Variants in LOC122539214 observed in about 807,000 individuals in gnomAD.
the LOC122539214 span, among the ~76,000 whole-genome samples, chr19:52,656,126 T>C: frequency 1.3e-5 from 2 of 152,068 alleles, no homozygotes; most frequent in East Asian, 1.9e-4. Context: ...GGTAGGAGTA[T>C]AGCTTGAGCT....
the LOC122539214 span, among the ~76,000 whole-genome samples, chr19:52,684,090 C>T: frequency 1.3e-5 from 2 of 152,092 alleles, no homozygotes; most frequent in African/African-American, 4.8e-5. Flanking sequence ...AAAAATTGAG[C>T]TGGGTGCAGG....
At chr19:52,682,164 A>G in the LOC122539214 span, among the ~76,000 whole-genome samples, 2 of 152,054 alleles carry the variant, frequency 1.3e-5, no homozygotes, top group South Asian at 4.2e-4. Context: ...CTATTAACTC[A>G]TTATTGTGAT....
the LOC122539214 span, chr19:52,655,510 C>G: frequency 7.1e-7 from 1 of 1,418,132 alleles, no homozygotes; most frequent in Non-Finnish European, 9.8e-7. Context: ...CCAGGAAGAG[C>G]CAAGATAGAC....
At chr19:52,679,197 T>C in the LOC122539214 span, among the ~76,000 whole-genome samples, 1 of 152,188 alleles carries the variant, frequency 6.6e-6, no homozygotes, top group South Asian at 2.1e-4. Flanking sequence ...TGAGCCCAAA[T>C]GACATCCTCA....
chr19:52,687,436 ATAGC>A, the LOC122539214 span, among the ~76,000 whole-genome samples: 1 of 20,028 alleles, frequency 5.0e-5, no homozygotes, highest in Non-Finnish European at 1.1e-4. Context: ...TATAATTTAT[ATAGC>A]TATATAAATT....
At chr19:52,681,334 T>C in the LOC122539214 span, among the ~76,000 whole-genome samples, 7,364 of 147,024 alleles carry the variant, frequency 0.05, 627 homozygotes, top group African/African-American at 0.18. Flanking sequence ...CTACAGATAG[T>C]ATGTTCAACA....
chr19:52,685,356 C>T, the LOC122539214 span, among the ~76,000 whole-genome samples: 107,912 of 151,976 alleles, frequency 0.71, 38,738 homozygotes, highest in African/African-American at 0.8. Flanking sequence ...GAAGGGCTAA[C>T]GGGAAGGGTT....
the LOC122539214 span, among the ~76,000 whole-genome samples, chr19:52,687,799 C>A: frequency 6.8e-6 from 1 of 147,740 alleles, no homozygotes; most frequent in Non-Finnish European, 1.5e-5. Flanking sequence ...CACTCCAGCC[C>A]GAGTGATACA....
At chr19:52,675,255 T>C in the LOC122539214 span, among the ~76,000 whole-genome samples, 1 of 152,212 alleles carries the variant, frequency 6.6e-6, no homozygotes, top group African/African-American at 2.4e-5. Flanking sequence ...TTCATGTACT[T>C]CACCCCAATT....
At chr19:52,687,616 G>GTGTATATATA in the LOC122539214 span, among the ~76,000 whole-genome samples, 5 of 15,822 alleles carry the variant, frequency 3.2e-4, 2 homozygotes, top group African/African-American at 2.3e-3. Flanking sequence ...TATATAATGT[G>GTGTATATATA]TATATATATA....
chr19:52,687,278 C>A, the LOC122539214 span, among the ~76,000 whole-genome samples: 1 of 142,052 alleles, frequency 7.0e-6, no homozygotes, highest in African/African-American at 2.6e-5. Context: ...TCCTTTGAGC[C>A]CAGGATTTTG....
the LOC122539214 span, chr19:52,655,526 C>T: frequency 2.8e-6 from 4 of 1,448,062 alleles, no homozygotes; most frequent in Admixed American, 7.3e-5. Flanking sequence ...TAGACAAGGG[C>T]AGATTCCTCA....
chr19:52,674,139 C>T, the LOC122539214 span: 2 of 152,018 alleles, frequency 1.3e-5, no homozygotes, highest in Non-Finnish European at 1.5e-5. Flanking sequence ...GGTTAAAAAG[C>T]CCTCAAATGA....
the LOC122539214 span, among the ~76,000 whole-genome samples, chr19:52,668,114 G>T: frequency 6.6e-6 from 1 of 151,336 alleles, no homozygotes; most frequent in Admixed American, 6.6e-5. Context: ...TAAAACAAGA[G>T]TCTCTCAGCA....
chr19:52,661,259 T>C, the LOC122539214 span, among the ~76,000 whole-genome samples: 7 of 152,166 alleles, frequency 4.6e-5, no homozygotes, highest in African/African-American at 1.7e-4. Context: ...TACTGCCCAC[T>C]GCACCAGAGA....
chr19:52,652,625 C>A, the LOC122539214 span: 1 of 467,382 alleles, frequency 2.1e-6, no homozygotes, highest in Non-Finnish European at 4.3e-6. Flanking sequence ...AAATATCTGC[C>A]ACATTTACTA....
the LOC122539214 span, chr19:52,690,422 A>G: frequency 5.6e-6 from 1 of 177,820 alleles, no homozygotes; most frequent in Non-Finnish European, 1.2e-5. Flanking sequence ...TGCAGACTTA[A>G]TACAAAACAG....
At chr19:52,661,973 C>T in the LOC122539214 span, among the ~76,000 whole-genome samples, 1 of 151,992 alleles carries the variant, frequency 6.6e-6, no homozygotes. Context: ...AACCTCAGCC[C>T]CAGAAAAAGG....
chr19:52,661,532 A>G, the LOC122539214 span, among the ~76,000 whole-genome samples: 1 of 152,194 alleles, frequency 6.6e-6, no homozygotes, highest in Non-Finnish European at 1.5e-5. Context: ...CACCAGCGCC[A>G]TCGTATTATT....
Sources: gnomAD v4.1 joint callset for allele counts (sites outside exome capture counted in the v4.1 genomes callset) on GRCh38, gnomAD v4.1.1 for gene constraint, MANE v1.5 for transcripts.